Variants in AFAP1 observed in about 807,000 individuals in gnomAD.
AFAP1 encodes the protein actin filament-associated protein 1.
A neutral mutation model predicts 93.9 loss-of-function variants in AFAP1; 75 were observed. The observed-to-expected ratio is 0.80, with a 90% CI of 0.66 to 0.97. The LOEUF (loss-of-function observed/expected upper bound fraction) is 0.97, where lower values mean the gene tolerates loss of function less well. Among genes scored for constraint, AFAP1 ranks in the 50% least tolerant of loss-of-function variants. The probability of loss-of-function intolerance (pLI) is 0.00; values close to 1 mark genes in which losing one functional copy is unlikely to be tolerated. For missense variants in AFAP1, 1,201 were observed against 1,050.8 expected, an observed-to-expected ratio of 1.14 and a Z score of -1.98; for synonymous variants, 517 against 430.7, an observed-to-expected ratio of 1.20 and a Z score of -2.48.
At chr4:7,868,427 G>C (rs934048945) in intron 3 of AFAP1, among the ~76,000 whole-genome samples, 195 bp downstream of exon 3, 5 of 152,256 alleles carry the variant, frequency 3.3e-5, no homozygotes, top group African/African-American at 1.2e-4. Flanking sequence ...GCTTCCTAAG[G>C]GGAGGCTACA....
chr4:7,870,256 C>T (rs1236359151), intron 2 of AFAP1, among the ~76,000 whole-genome samples: 1 of 152,176 alleles, frequency 6.6e-6, no homozygotes, highest in Non-Finnish European at 1.5e-5. Context: ...CTCATAACCA[C>T]CTATGATAAA....
At chr4:7,774,539 C>T in intron 15 of AFAP1, 200 bp downstream of exon 15, 1 of 784,426 alleles carries the variant, frequency 1.3e-6, no homozygotes. Context: ...TGCCTGCACG[C>T]CGCATGTTTG....
intron 6 of AFAP1, among the ~76,000 whole-genome samples, chr4:7,831,914 G>A (rs1711668176): frequency 6.6e-6 from 1 of 152,142 alleles, no homozygotes; most frequent in Non-Finnish European, 1.5e-5. Context: ...ATAGAAATGT[G>A]GAATAAAAGA....
chr4:7,918,964 GTTGGAAGAGACA>G lies in AFAP1; in HGVS notation c.-3+20680_-3+20691del, dbSNP rs1560236330. ...GCCCAGGTCACCAGGAAACAGGGCT[GTTGGAAGAGACA>G]CTCGGCCCAGGTCACCAGGAAACAG... On this transcript the variant is annotated intron_variant, in intron 1 of 17. Coordinates refer to ENST00000420658, the MANE Select transcript of AFAP1 (RefSeq NM_001134647.2). 4.9e-5 allele frequency among the ~76,000 whole-genome samples: 7 copies of G among 142,298 alleles called. 1 individual carries two copies. The highest frequency in any genetic ancestry group is 7.2e-5 in the Admixed American group (1 of 13,964). 93.4% of individuals were successfully genotyped at this position (142,298 alleles called of 152,430 possible). A position where few individuals can be genotyped will look rare whatever the true frequency, so the allele number is the denominator to read the frequency against.
At chr4:7,801,451 C>T (rs1165753649) in intron 9 of AFAP1, among the ~76,000 whole-genome samples, 1 of 151,802 alleles carries the variant, frequency 6.6e-6, no homozygotes, top group Non-Finnish European at 1.5e-5. Flanking sequence ...AAAACCTCCT[C>T]AAATACAGGA....
intron 4 of AFAP1, among the ~76,000 whole-genome samples, chr4:7,847,507 G>A (rs558263120): frequency 6.6e-6 from 1 of 152,188 alleles, no homozygotes; most frequent in South Asian, 2.1e-4. Context: ...AGAACTCTCT[G>A]GAAAGTATGC....
intron 9 of AFAP1, among the ~76,000 whole-genome samples, chr4:7,807,217 A>G (rs968324164): frequency 4.6e-5 from 7 of 152,222 alleles, no homozygotes; most frequent in African/African-American, 1.7e-4. Context: ...AACAAAAACA[A>G]AAGAGTAGTT....
intron 3 of AFAP1, among the ~76,000 whole-genome samples, chr4:7,864,401 G>C (rs533902741): frequency 6.6e-6 from 1 of 152,280 alleles, no homozygotes; most frequent in East Asian, 1.9e-4. Flanking sequence ...CATCAATAGC[G>C]AAACGGCCAA....
intron 3 of AFAP1, among the ~76,000 whole-genome samples, chr4:7,861,481 C>A (rs745454945): frequency 2.1e-4 from 32 of 152,240 alleles, no homozygotes; most frequent in East Asian, 3.8e-4. Context: ...ACACCCCATT[C>A]CATTGTGATC....
intron 9 of AFAP1, among the ~76,000 whole-genome samples, chr4:7,801,114 G>A (rs1446949067): frequency 6.6e-6 from 1 of 152,172 alleles, no homozygotes; most frequent in Non-Finnish European, 1.5e-5. Flanking sequence ...TTAACATGAA[G>A]AAACAAAAAC....
chr4:7,908,901 G>A (rs1286689988), intron 1 of AFAP1, among the ~76,000 whole-genome samples: 2 of 147,180 alleles, frequency 1.4e-5, no homozygotes, highest in Non-Finnish European at 3.0e-5. Flanking sequence ...ACATAGCCAC[G>A]TGCTTAGTGT....
At chr4:7,820,695 A>G (rs1325254601) in intron 6 of AFAP1, among the ~76,000 whole-genome samples, 1 of 152,170 alleles carries the variant, frequency 6.6e-6, no homozygotes, top group Non-Finnish European at 1.5e-5. Flanking sequence ...AGGCGTTTCC[A>G]AAGTGTTCCT....
intron 6 of AFAP1, among the ~76,000 whole-genome samples, chr4:7,833,978 A>C (rs1177399539): frequency 6.6e-6 from 1 of 152,114 alleles, no homozygotes; most frequent in East Asian, 1.9e-4. Flanking sequence ...AGAAGGCATT[A>C]TAAAAAAAAT....
chr4:7,848,168 AGGGAGGGAGGG>A (rs1560197145), intron 4 of AFAP1, among the ~76,000 whole-genome samples: 14 of 19,534 alleles, frequency 7.2e-4, no homozygotes, highest in African/African-American at 1.3e-3. Flanking sequence ...GGTAAGTGGG[AGGGAGGGAGGG>A]AGGGAGGAAG....
chr4:7,896,498 C>T (rs1043622621), intron 1 of AFAP1, among the ~76,000 whole-genome samples: 2 of 151,968 alleles, frequency 1.3e-5, no homozygotes, highest in Non-Finnish European at 2.9e-5. Context: ...GATGACATCC[C>T]TGTTGCCAAG....
rs115496735 is a variant in AFAP1 at position 7,920,452 on chromosome 4, T to C, written c.-3+19204A>G. 5.3e-3 allele frequency among the ~76,000 whole-genome samples: 809 copies of C among 152,366 alleles called. 1 individual carries two copies. Among genetic ancestry groups the C allele is most frequent in the Non-Finnish European group, 8.9e-3 (603 of 68,036 alleles). ...GCAAAGGTCCGTATTTGGGGTCATC[T>C]TTCTCTGGTGACGACAAAAACTAGT... is the stretch of plus-strand genomic sequence containing the variant. On this transcript the variant is annotated intron_variant, in intron 1 of 17. Coordinates refer to ENST00000420658, the MANE Select transcript of AFAP1 (RefSeq NM_001134647.2).
At chr4:7,797,941 G>GGA (rs1718596975) in intron 10 of AFAP1, among the ~76,000 whole-genome samples, 2 of 152,158 alleles carry the variant, frequency 1.3e-5, no homozygotes, top group South Asian at 2.1e-4. Flanking sequence ...CAAGCATGCG[G>GGA]AATGTTGGTC....
chr4:7,917,934 G>A (rs1720179417), intron 1 of AFAP1, among the ~76,000 whole-genome samples: 1 of 152,218 alleles, frequency 6.6e-6, no homozygotes, highest in Non-Finnish European at 1.5e-5. Context: ...CACTCCGACT[G>A]TCATTCTACT....
At chr4:7,849,788 A>G (rs1447514377) in intron 4 of AFAP1, among the ~76,000 whole-genome samples, 1 of 152,208 alleles carries the variant, frequency 6.6e-6, no homozygotes, top group Non-Finnish European at 1.5e-5. Context: ...CACTTTGGCA[A>G]TATCATTCAA....
Sources: allele counts gnomAD v4.1 joint callset (sites outside exome capture counted in the v4.1 genomes callset), GRCh38; gene constraint gnomAD v4.1.1; transcripts MANE v1.5; gene names NCBI Gene and HGNC (gene_info 2026-07-23, HGNC 2026-07-21).